LAMA2: variants seen among roughly 807,000 people sequenced by gnomAD.
The protein encoded by LAMA2 is laminin subunit alpha-2.
A neutral mutation model predicts 364.8 loss-of-function variants in LAMA2; 269 were observed. The observed-to-expected ratio is 0.74, with a 90% CI of 0.67 to 0.82. The LOEUF (loss-of-function observed/expected upper bound fraction) is 0.82, where lower values mean the gene tolerates loss of function less well. LAMA2 is among the 40% of genes least tolerant of loss of function. The pLI is 0.00. For missense variants in LAMA2, 3,807 were observed against 3,873.2 expected, an observed-to-expected ratio of 0.98 and a Z score of 0.45; for synonymous variants, 1,379 against 1,370.6, an observed-to-expected ratio of 1.01 and a Z score of -0.14.
chr6:129,502,350 T>G, intron 58 of LAMA2, among the ~76,000 whole-genome samples: 1 of 152,116 alleles, frequency 6.6e-6, no homozygotes, highest in East Asian at 1.9e-4. Flanking sequence ...GAAGGAAAAA[T>G]GAAAGGGAAA....
At chr6:129,073,821 G>T (rs964537315) in intron 3 of LAMA2, among the ~76,000 whole-genome samples, 2 of 152,058 alleles carry the variant, frequency 1.3e-5, no homozygotes, top group Non-Finnish European at 2.9e-5. Flanking sequence ...TAACTCTGAC[G>T]TTGGAAACAA....
At position 128,923,101 on chromosome 6, in the gene LAMA2, G is replaced by T. The variant is rs2114493011; in HGVS notation, c.112+39744G>T. On this transcript the variant is annotated intron_variant, in intron 1 of 64. Transcript: ENST00000421865. ...TTTGGTACCAGTACCATGCTGTTTT[G>T]GTTACTGTAGCCTTGTAGTATAGTT... Among the ~76,000 whole-genome samples, 3 of 143,412 alleles carry T rather than the reference G, an allele frequency of 2.1e-5. No individual in the cohort carries two copies. In the Admixed American group the frequency reaches 2.1e-4, roughly 10 times the overall value. 94.1% of individuals were successfully genotyped at this position (143,412 alleles called of 152,430 possible).
chr6:129,489,945 A>G (rs1027100018), intron 56 of LAMA2, among the ~76,000 whole-genome samples: 1 of 151,932 alleles, frequency 6.6e-6, no homozygotes, highest in African/African-American at 2.4e-5. Flanking sequence ...AAAAAAATAA[A>G]GCTGACCTAT....
At chr6:129,280,488 A>G (rs1788647276) in intron 18 of LAMA2, among the ~76,000 whole-genome samples, 1 of 152,078 alleles carries the variant, frequency 6.6e-6, no homozygotes, top group Non-Finnish European at 1.5e-5. Context: ...GGCACCATTT[A>G]TTTTTCATAA....
At chr6:129,238,576 TGAGAGA>T (rs1554254279) in intron 12 of LAMA2, among the ~76,000 whole-genome samples, 921 of 64,818 alleles carry the variant, frequency 0.014, 7 homozygotes, top group Non-Finnish European at 0.027. Context: ...TGTGTGTGTG[TGAGAGA>T]GAGAGAGAGA....
intron 12 of LAMA2, among the ~76,000 whole-genome samples, chr6:129,220,743 T>C (rs896351131): frequency 2.0e-5 from 3 of 152,312 alleles, no homozygotes; most frequent in Admixed American, 1.3e-4. Flanking sequence ...TGTGAGAGAA[T>C]TGAAAAATGA....
chr6:129,390,238 AT>A (rs1416763395), intron 35 of LAMA2, among the ~76,000 whole-genome samples: 3 of 152,034 alleles, frequency 2.0e-5, no homozygotes, highest in African/African-American at 7.3e-5. Context: ...CACCCCCAGA[AT>A]TTCTGAGTCT....
At chr6:128,898,173 A>C (rs1776881819) in intron 1 of LAMA2, among the ~76,000 whole-genome samples, 1 of 152,216 alleles carries the variant, frequency 6.6e-6, no homozygotes, top group Admixed American at 6.5e-5. Flanking sequence ...CTTTAACTTA[A>C]AAGATCTAGA....
chr6:129,241,323 C>T (rs1379507946), intron 12 of LAMA2, among the ~76,000 whole-genome samples: 1 of 152,112 alleles, frequency 6.6e-6, no homozygotes, highest in Non-Finnish European at 1.5e-5. Context: ...ATGATCTCTC[C>T]CCAAAACGTG....
intron 12 of LAMA2, among the ~76,000 whole-genome samples, chr6:129,238,804 G>C (rs1200919244): frequency 7.9e-5 from 12 of 152,050 alleles, no homozygotes; most frequent in Admixed American, 7.2e-4. Context: ...TGAGGATAAA[G>C]AGTACTTTTG....
intron 17 of LAMA2, among the ~76,000 whole-genome samples, chr6:129,278,257 T>C (rs944241896): frequency 6.6e-6 from 1 of 152,162 alleles, no homozygotes; most frequent in Non-Finnish European, 1.5e-5. Context: ...CAACCACCAT[T>C]GACAAGAGTT....
intron 41 of LAMA2, among the ~76,000 whole-genome samples, chr6:129,435,210 T>C (rs1460890162): frequency 1.3e-5 from 2 of 152,160 alleles, no homozygotes; most frequent in African/African-American, 2.4e-5. Flanking sequence ...GCCAGAACAT[T>C]TGAATGCTCC....
chr6:129,166,054 T>C (rs975459036), intron 9 of LAMA2, among the ~76,000 whole-genome samples: 3 of 152,186 alleles, frequency 2.0e-5, no homozygotes, highest in African/African-American at 7.2e-5. Flanking sequence ...CAGCGTTCAC[T>C]GAGGAATGTG....
At chr6:128,931,929 G>A (rs1020919915) in intron 1 of LAMA2, among the ~76,000 whole-genome samples, 2 of 151,976 alleles carry the variant, frequency 1.3e-5, no homozygotes, top group African/African-American at 4.8e-5. Flanking sequence ...TAAATGTAAT[G>A]ATTGTTCATT....
At chr6:129,316,578 A>G (rs1287475545) in intron 27 of LAMA2, among the ~76,000 whole-genome samples, 3 of 152,212 alleles carry the variant, frequency 2.0e-5, no homozygotes, top group Admixed American at 2.0e-4. Flanking sequence ...AACTGTGAGC[A>G]TTCTAATCTG....
chr6:129,285,337 G>A (rs942887123), intron 18 of LAMA2, among the ~76,000 whole-genome samples: 5 of 152,144 alleles, frequency 3.3e-5, no homozygotes, highest in South Asian at 2.1e-4. Flanking sequence ...TTTCTATCAC[G>A]TATATTCACA....
chr6:129,055,186 TTATTA>T (rs201184846), intron 2 of LAMA2, among the ~76,000 whole-genome samples: 11 of 9,682 alleles, frequency 1.1e-3, no homozygotes, highest in African/African-American at 1.7e-3. Context: ...TTTATTATTA[TTATTA>T]TTATTATTAT....
At position 128,995,196 on chromosome 6, in the gene LAMA2, T is replaced by G. The variant is rs552638237; in HGVS notation, c.113-54722T>G. 4.6e-5 allele frequency among the ~76,000 whole-genome samples: 7 copies of G among 152,352 alleles called. No individual in the cohort carries two copies. The South Asian group carries it at 1.2e-3, about 27-fold the overall frequency. On this transcript the variant is annotated intron_variant, in intron 1 of 64. Transcript: ENST00000421865. ...CCTGACTGTTTTCCATTTTATTTTA[T>G]TTTATCAACTTTTATTTTAGAATCA...
chr6:129,197,353 A>G (rs1188853341), intron 12 of LAMA2, among the ~76,000 whole-genome samples: 1 of 152,150 alleles, frequency 6.6e-6, no homozygotes, highest in African/African-American at 2.4e-5. Flanking sequence ...CATCTACATG[A>G]CAAGAACCGT....
Sources: gnomAD v4.1 joint callset for allele counts (sites outside exome capture counted in the v4.1 genomes callset) on GRCh38, gnomAD v4.1.1 for gene constraint, MANE v1.5 for transcripts, NCBI Gene and HGNC (gene_info 2026-07-23, HGNC 2026-07-21) for gene names.